Variants in PLK2 observed in about 807,000 individuals in gnomAD.
PLK2 encodes serine/threonine-protein kinase PLK2.
Under a neutral mutation model 78.1 loss-of-function variants are expected in PLK2, and 25 were observed. The ratio of observed to expected loss-of-function variants is 0.32; its 90% CI spans 0.23 to 0.45. PLK2 has a LOEUF of 0.45. Ranked by LOEUF, PLK2 falls within the 20% of genes least tolerant of loss-of-function variation. The pLI is 1.00. For missense variants in PLK2, 566 were observed against 840.2 expected, an observed-to-expected ratio of 0.67 and a Z score of 4.04; for synonymous variants, 332 against 298.2, an observed-to-expected ratio of 1.11 and a Z score of -1.17.
Position 58,458,985 on chromosome 5 carries a change from CT to C in PLK2, c.377del (p.Lys126ArgfsTer6). On this transcript the variant is annotated frameshift_variant and splice_region_variant, in exon 2 of 14. Coordinates refer to ENST00000274289, the MANE Select transcript of PLK2 (RefSeq NM_006622.4). LOFTEE classifies it high-confidence loss of function. Reference protein sequence around the residue: ...SRVAKPHQREKIDKEIELHRI... With the variant: ...SRVAKPHQREXIDKEIELHRI... The stretch of plus-strand genomic sequence containing the variant: ...TACTTTACTCAAGAGTCATACGCAC[CT>C]TTTCCCTTTGATGAGGTTTAGCTAC... The C allele has an allele frequency of 4.5e-6, 7 of 1,564,718 alleles. No homozygotes were observed. The highest frequency in any genetic ancestry group is 1.1e-5 in the South Asian group (1 of 90,022).
At chr5:58,455,969 T>C in intron 10 of PLK2, 57 bp downstream of exon 10, 1 of 1,556,818 alleles carries the variant, frequency 6.4e-7, no homozygotes, top group African/African-American at 1.4e-5. Flanking sequence ...AATTATTATG[T>C]ATTTAGCACT....
intron 2 of PLK2, 25 bp from the exon 3 acceptor site, chr5:58,458,866 T>G: frequency 6.9e-7 from 1 of 1,449,876 alleles, no homozygotes. Flanking sequence ...AAGGTAAGGC[T>G]TATTAGCTTC....
At position 58,455,988 on chromosome 5, in the gene PLK2, G is replaced by A. The variant is rs141215157; in HGVS notation, c.1384+38C>T. The stretch of plus-strand genomic sequence containing the variant: ...ATTATGTATTTAGCACTGGCATTTC[G>A]AGTTTCATTATTTAAAATACGATTG... On this transcript the variant is annotated intron_variant, in intron 10 of 13. Transcript: ENST00000274289. The A allele has an allele frequency of 5.1e-4, 815 of 1,593,818 alleles. 6 individuals carry two copies. In the African/African-American group the frequency reaches 9.9e-3, roughly 19 times the overall value.
Position 58,460,007 on chromosome 5 carries a change from TCA to T in PLK2, c.-50_-49del, listed in dbSNP as rs1324865459. 15 of 1,536,202 alleles carry T rather than the reference TCA, an allele frequency of 9.8e-6. No individual in the cohort carries two copies. Among genetic ancestry groups the T allele is most frequent in the Non-Finnish European group, 1.3e-5 (15 of 1,142,814 alleles). On this transcript the variant is annotated 5_prime_UTR_variant, in exon 1 of 14. Coordinates refer to ENST00000274289, the MANE Select transcript of PLK2 (RefSeq NM_006622.4). ...GCCCGCTGCCACCCCCTAGGCGCGG[TCA>T]CACGTCCGAGCCGGCCGTGGTCCTC...
intron 4 of PLK2, 98 bp from the exon 5 acceptor site, chr5:58,458,269 T>C (rs1372325810): frequency 1.5e-6 from 2 of 1,303,320 alleles, no homozygotes; most frequent in Admixed American, 1.7e-5. Context: ...AATTGTTATA[T>C]GAAAGTCGCC....
Position 58,458,118 on chromosome 5 carries a change from C to T in PLK2, c.679G>A (p.Ala227Thr). Reference sequence around the variant, plus strand: ...TGTTCCAAGGGTTCTAGCCTGGCTGCCAGACCGAAGTCCCCAACTTTTAGT... The same window carrying T: ...TGTTCCAAGGGTTCTAGCCTGGCTGTCAGACCGAAGTCCCCAACTTTTAGT... ...MELKVGDFGL[A>T]ARLEPLEHRR... is the part of the protein sequence containing the mutation. The change falls in exon 5 of 14, where the codon GCA becomes ACA. Residue 227 changes from alanine to threonine, a missense_variant. Around this residue, in one of 5 missense-constraint regions of PLK2, gnomAD observed 179 missense variants for 342.3 expected, o/e 0.52. Transcript: ENST00000274289. 1 of 1,613,386 alleles carries T rather than the reference C, an allele frequency of 6.2e-7. No individual in the cohort carries two copies. Among genetic ancestry groups the T allele is most frequent in the South Asian group, 1.1e-5 (1 of 91,072 alleles).
chr5:58,458,573 T>C, intron 3 of PLK2, 45 bp from the exon 4 acceptor site: 1 of 1,563,336 alleles, frequency 6.4e-7, no homozygotes. Context: ...AAAACAGTTA[T>C]CAAAATCACT....
In PLK2 at chr5:58,459,735, G is replaced by A; in HGVS notation, c.225C>T (p.Asp75=). ...SGPEISRIIV[D]PTTGKRYCRG... is the part of the protein sequence containing the mutation. ...GGCAGTAGCGCTTCCCAGTCGTGGG[G>A]TCGACGATAATCCGCGAGATCTCCG... Residue 75 remains aspartate, a synonymous_variant, in exon 1 of 14, where the codon GAC becomes GAT. Transcript: ENST00000274289. 6.2e-7 allele frequency: 1 copy of A among 1,606,220 alleles called. No individual in the cohort carries two copies. The highest frequency in any genetic ancestry group is 2.2e-5 in the East Asian group (1 of 44,780).
chr5:58,454,982 G>A lies in PLK2; in HGVS notation c.1795C>T (p.Arg599Trp), dbSNP rs1275409138. 12 of 1,612,390 alleles carry A rather than the reference G, an allele frequency of 7.4e-6. No homozygotes were observed. Among genetic ancestry groups the A allele is most frequent in the South Asian group, 1.1e-5 (1 of 91,066 alleles). ...LPSVTDIRRP[R>W]LYLLQWLKSD... ...TTTAGCCACTGAAGGAGGTAGAGCC[G>A]AGGTCTTCGAATATCAGTAACACTA... is the stretch of plus-strand genomic sequence containing the variant. The change falls in exon 13 of 14, where the codon CGG becomes TGG. Residue 599 changes from arginine to tryptophan, a missense_variant. Coordinates refer to ENST00000274289, the MANE Select transcript of PLK2 (RefSeq NM_006622.4).
At chr5:58,457,660 G>A in intron 5 of PLK2, 77 bp from the exon 6 acceptor site, 1 of 802,232 alleles carries the variant, frequency 1.2e-6, no homozygotes, top group Non-Finnish European at 2.2e-6. Flanking sequence ...ATGACTTGAT[G>A]GGAGACAAAA....
At chr5:58,459,456 C>G in intron 1 of PLK2, 1 of 568,264 alleles carries the variant, frequency 1.8e-6, no homozygotes, top group Non-Finnish European at 3.1e-6. Context: ...ACTCAAGATG[C>G]ATTTCTCTGG....
chr5:58,459,583 G>T (rs1239877487), intron 1 of PLK2, 107 bp downstream of exon 1: 2 of 1,041,680 alleles, frequency 1.9e-6, no homozygotes, highest in Non-Finnish European at 2.7e-6. Context: ...TCGGACCCCC[G>T]AAAAACCCGG....
chr5:58,459,213 G>A lies in PLK2; in HGVS notation c.271-121C>T, dbSNP rs1466008266. 3.4e-5 allele frequency: 22 copies of A among 649,084 alleles called. No homozygotes were observed. The East Asian group carries it at 5.7e-4, about 17-fold the overall frequency. 40.2% of individuals were successfully genotyped at this position (649,084 alleles called of 1,614,324 possible). A position where few individuals can be genotyped will look rare whatever the true frequency, so the allele number is the denominator to read the frequency against. On this transcript the variant is annotated intron_variant, in intron 1 of 13. Transcript: ENST00000274289. ...AAAAAAAAAAAATTGAGGAATGGAG[G>A]AGGGTGGACAGAGGGAGGCATTCGA... is the stretch of plus-strand genomic sequence containing the variant.
chr5:58,458,918 A>AT, intron 2 of PLK2, 67 bp downstream of exon 2: 1 of 1,316,468 alleles, frequency 7.6e-7, no homozygotes, highest in Non-Finnish European at 1.1e-6. Flanking sequence ...TGCAGAAGAC[A>AT]TTTTCCTAAC....
chr5:58,458,086 C>A lies in PLK2; in HGVS notation c.711G>T (p.Arg237Ser). The A allele has an allele frequency of 1.2e-6, 2 of 1,604,112 alleles. No homozygotes were observed. Among genetic ancestry groups the A allele is most frequent in the Non-Finnish European group, 1.7e-6 (2 of 1,170,906 alleles). Residue 237 changes from arginine (R) to serine (S), a missense_variant and splice_region_variant, in exon 5 of 14, where the codon AGG (arginine) becomes AGT (serine). Coordinates refer to ENST00000274289, the MANE Select transcript of PLK2 (RefSeq NM_006622.4). ...AARLEPLEHR[R>S]RTICGTPNYL... ...GGATGCATCTTTCTGACTCTTACCT[C>A]CTTCTGTGTTCCAAGGGTTCTAGCC... is the stretch of plus-strand genomic sequence containing the variant.
chr5:58,456,378 A>G, intron 9 of PLK2, 114 bp downstream of exon 9: 2 of 846,504 alleles, frequency 2.4e-6, no homozygotes, highest in Non-Finnish European at 3.8e-6. Flanking sequence ...TTGAAGAAAA[A>G]CTTTAAGTAA....
At position 58,454,842 on chromosome 5, in the gene PLK2, C is replaced by G. The variant is rs1743554442; in HGVS notation, c.1867-68G>C. Reference sequence around the variant, plus strand: ...AGAATTAGAAAAGTTCAGTCAATCACTAAACTGTCTAGGTACAAATCTTTC... The same window carrying G: ...AGAATTAGAAAAGTTCAGTCAATCAGTAAACTGTCTAGGTACAAATCTTTC... On this transcript the variant is annotated intron_variant, in intron 13 of 13. Coordinates refer to ENST00000274289, the MANE Select transcript of PLK2 (RefSeq NM_006622.4). 1.8e-5 allele frequency: 26 copies of G among 1,464,462 alleles called. No homozygotes were observed. In the South Asian group the frequency reaches 3.0e-4, roughly 17 times the overall value. 90.7% of individuals were successfully genotyped at this position (1,464,462 alleles called of 1,614,324 possible).
chr5:58,459,339 T>C (rs1743694151), intron 1 of PLK2: 1 of 573,106 alleles, frequency 1.7e-6, no homozygotes, highest in East Asian at 2.9e-5. Context: ...ATGGAGGGAG[T>C]TGGAACGGGG....
Position 58,455,668 on chromosome 5 carries a change from G to A in PLK2, c.1496C>T (p.Thr499Ile). The A allele has an allele frequency of 1.9e-6, 3 of 1,614,140 alleles. No homozygotes were observed. The highest frequency in any genetic ancestry group is 2.5e-6 in the Non-Finnish European group (3 of 1,180,024). ...CCATTTGGTGACCCACTGAAATGATGTGCTCAGCTGCTCTTTGGGAATGCA... is the reference window on the plus strand; with the variant it reads ...CCATTTGGTGACCCACTGAAATGATATGCTCAGCTGCTCTTTGGGAATGCA... ...ADCIPKEQLS[T>I]SFQWVTKWVD... Residue 499 changes from threonine (T) to isoleucine (I), a missense_variant, in exon 11 of 14, where the codon ACA becomes ATA. Physicochemically the swap from Thr to Ile is moderately conservative, Grantham distance 89. Coordinates refer to ENST00000274289, the MANE Select transcript of PLK2 (RefSeq NM_006622.4).
Sources: allele counts gnomAD v4.1 joint callset, GRCh38; gene constraint gnomAD v4.1.1; regional missense constraint gnomAD v4.1.1; transcripts MANE v1.5; gene names NCBI Gene and HGNC (gene_info 2026-07-23, HGNC 2026-07-21).